The following DCC variants were observed in gnomAD, a reference collection of about 807,000 sequenced individuals.
DCC encodes the protein DCC netrin 1 receptor.
DCC carries 58 observed loss-of-function variants against 172.5 expected under a neutral mutation model. The ratio of observed to expected loss-of-function variants is 0.34; its 90% confidence interval spans 0.27 to 0.42. The LOEUF is 0.42. DCC is among the 10% of genes least tolerant of loss of function. The pLI is 1.00. For missense variants in DCC, 1,740 were observed against 1,791.0 expected (o/e 0.97, Z 0.51); for synonymous variants, 709 against 644.5 (o/e 1.10, Z -1.52).
chr18:52,364,096 A>G (rs1568133742), intron 1 of DCC, among the ~76,000 whole-genome samples: 1 of 152,208 alleles, frequency 6.6e-6, no homozygotes, highest in East Asian at 1.9e-4. Context: ...CCAAAAGAAG[A>G]CAAGGTCAGG....
chr18:53,351,356 A>G (rs1217875932), intron 15 of DCC, among the ~76,000 whole-genome samples: 11 of 62,242 alleles, frequency 1.8e-4, no homozygotes, highest in East Asian at 2.9e-4. Context: ...TATACACAGT[A>G]TATATATATA....
At chr18:52,779,888 A>T (rs2037503177) in intron 2 of DCC, among the ~76,000 whole-genome samples, 1 of 152,150 alleles carries the variant, frequency 6.6e-6, no homozygotes, top group Admixed American at 6.5e-5. Context: ...TTTGATTTGC[A>T]TTTCTCTAAT....
intron 23 of DCC, among the ~76,000 whole-genome samples, chr18:53,454,077 G>A (rs907629528): frequency 6.6e-6 from 1 of 152,152 alleles, no homozygotes; most frequent in African/African-American, 2.4e-5. Context: ...AAAACTTAAG[G>A]CTGGACACAC....
At chr18:53,485,091 T>C (rs934687690) in intron 25 of DCC, among the ~76,000 whole-genome samples, 1 of 152,050 alleles carries the variant, frequency 6.6e-6, no homozygotes, top group Non-Finnish European at 1.5e-5. Context: ...GAACTAAAGT[T>C]AATACAATTG....
At chr18:52,889,198 G>A (rs1346971) in intron 2 of DCC, among the ~76,000 whole-genome samples, 136,658 of 152,028 alleles carry the variant, frequency 0.9, 61,862 homozygotes, top group Middle Eastern at 0.97. Flanking sequence ...TATTCATTAT[G>A]TATTCTTTCA....
At chr18:52,369,026 A>G (rs565433810) in intron 1 of DCC, among the ~76,000 whole-genome samples, 1 of 152,348 alleles carries the variant, frequency 6.6e-6, no homozygotes, top group East Asian at 1.9e-4. Flanking sequence ...AGTATCGGAG[A>G]GACTGAGAAT....
intron 1 of DCC, among the ~76,000 whole-genome samples, chr18:52,684,967 AG>A (rs1174020129): frequency 6.6e-6 from 1 of 152,170 alleles, no homozygotes; most frequent in Non-Finnish European, 1.5e-5. Flanking sequence ...AAATCCTGAT[AG>A]GTAGATGTGT....
intron 12 of DCC, among the ~76,000 whole-genome samples, chr18:53,288,850 A>G (rs1490441981): frequency 6.6e-6 from 1 of 152,176 alleles, no homozygotes; most frequent in Non-Finnish European, 1.5e-5. Context: ...CTGCATGTAT[A>G]AATAAAATTG....
At chr18:53,513,235 A>C (rs1004047618) in intron 27 of DCC, among the ~76,000 whole-genome samples, 3 of 152,218 alleles carry the variant, frequency 2.0e-5, no homozygotes, top group African/African-American at 4.8e-5. Context: ...AAGGAGAAAT[A>C]AAATACTTTA....
chr18:53,371,816 G>A lies in DCC; in HGVS notation c.2360-14227G>A, dbSNP rs545964857. On this transcript the variant is annotated intron_variant, in intron 15 of 28. Coordinates refer to ENST00000442544, the MANE Select transcript of DCC (RefSeq NM_005215.4). ...AAAGTGGGCAAATAATACGAACAAC[G>A]CTTTTCAAAGAAGACATACATGCAG... Among the ~76,000 whole-genome samples, 318 of 151,858 alleles carry A rather than the reference G, an allele frequency of 2.1e-3. 1 individual carries two copies. Among genetic ancestry groups the A allele is most frequent in the African/African-American group, 7.2e-3 (298 of 41,466 alleles).
At chr18:52,778,228 A>G (rs142587729) in intron 2 of DCC, among the ~76,000 whole-genome samples, 205 of 152,350 alleles carry the variant, frequency 1.3e-3, no homozygotes, top group African/African-American at 4.3e-3. Flanking sequence ...GAGTGAAACT[A>G]TTGTATGCAA....
chr18:52,965,661 A>AT (rs1288604961), intron 5 of DCC, among the ~76,000 whole-genome samples: 1 of 152,122 alleles, frequency 6.6e-6, no homozygotes, highest in African/African-American at 2.4e-5. Flanking sequence ...TTAAAGCTTA[A>AT]TTTTTTTAAG....
At chr18:53,261,612 G>A (rs1009152191) in intron 12 of DCC, among the ~76,000 whole-genome samples, 9 of 152,078 alleles carry the variant, frequency 5.9e-5, no homozygotes, top group Admixed American at 2.0e-4. Context: ...TGGCTATCAC[G>A]CCATTCTCCT....
chr18:52,776,733 C>T (rs932249862), intron 2 of DCC, among the ~76,000 whole-genome samples: 3 of 152,186 alleles, frequency 2.0e-5, no homozygotes, highest in Admixed American at 6.5e-5. Flanking sequence ...AAAACATACT[C>T]AGTCTCCCTG....
At chr18:52,360,900 T>C (rs977122716) in intron 1 of DCC, among the ~76,000 whole-genome samples, 7 of 152,220 alleles carry the variant, frequency 4.6e-5, no homozygotes, top group African/African-American at 1.7e-4. Context: ...TTGTTTTTAC[T>C]CATGATTGGA....
Position 53,069,767 on chromosome 18 carries a change from C to T in DCC, c.1261+3601C>T, listed in dbSNP as rs370871944. 2.2e-4 allele frequency among the ~76,000 whole-genome samples: 34 copies of T among 152,202 alleles called. 1 individual carries two copies. Among genetic ancestry groups the T allele is most frequent in the African/African-American group, 2.4e-4 (10 of 41,532 alleles). On this transcript the variant is annotated intron_variant, in intron 7 of 28. Transcript: ENST00000442544. The stretch of plus-strand genomic sequence containing the variant: ...GGAAGCCCTAAATAGAAGGGAGAAG[C>T]GACCTGAGAGACTGAAACACAGATG...
chr18:53,526,261 A>C (rs2046454128), intron 27 of DCC, among the ~76,000 whole-genome samples: 1 of 152,144 alleles, frequency 6.6e-6, no homozygotes, highest in African/African-American at 2.4e-5. Context: ...TAGGTGGTTT[A>C]GCACAGGGCT....
At chr18:52,801,771 G>A (rs2037991759) in intron 2 of DCC, among the ~76,000 whole-genome samples, 3 of 152,142 alleles carry the variant, frequency 2.0e-5, no homozygotes, top group Non-Finnish European at 4.4e-5. Flanking sequence ...TTTGTAAAAT[G>A]CTGTAATTAG....
At chr18:52,586,618 G>A (rs1179065952) in intron 1 of DCC, among the ~76,000 whole-genome samples, 1 of 152,196 alleles carries the variant, frequency 6.6e-6, no homozygotes, top group Non-Finnish European at 1.5e-5. Flanking sequence ...GCAGGAACAG[G>A]AAGCAAAACG....
Sources: gnomAD v4.1 joint callset for allele counts (sites outside exome capture counted in the v4.1 genomes callset) on GRCh38, gnomAD v4.1.1 for gene constraint, MANE v1.5 for transcripts, NCBI Gene and HGNC (gene_info 2026-07-23, HGNC 2026-07-21) for gene names.